Variants in TNIK observed in about 807,000 individuals in gnomAD.
TNIK encodes TRAF2 and NCK-interacting protein kinase.
A neutral mutation model predicts 191.3 loss-of-function variants in TNIK; 49 were observed. The ratio of observed to expected loss-of-function variants is 0.26; its 90% CI spans 0.20 to 0.32. The LOEUF (loss-of-function observed/expected upper bound fraction) is 0.32, where lower values mean the gene tolerates loss of function less well. Ranked by LOEUF, TNIK falls within the 10% of genes least tolerant of loss-of-function variation. The probability of loss-of-function intolerance (pLI) is 1.00; values close to 1 mark genes in which losing one functional copy is unlikely to be tolerated. For synonymous variants in TNIK, 594 were observed against 600.9 expected (o/e 0.99, Z 0.17); for missense variants, 1,155 against 1,702.3 (o/e 0.68, Z 5.66).
intron 4 of TNIK, among the ~76,000 whole-genome samples, chr3:171,210,845 A>G (rs922585014): frequency 3.8e-5 from 4 of 105,818 alleles, no homozygotes; most frequent in African/African-American, 1.5e-4. Flanking sequence ...AAGGTTGTCA[A>G]TTAGTGAAAA....
chr3:171,436,275 G>T (rs7646365), intron 1 of TNIK, among the ~76,000 whole-genome samples: 3 of 151,002 alleles, frequency 2.0e-5, no homozygotes, highest in Non-Finnish European at 3.0e-5. Context: ...CTAATACCTT[G>T]TAAACCTACA....
intron 11 of TNIK, among the ~76,000 whole-genome samples, chr3:171,160,998 T>C (rs1285235958): frequency 6.6e-6 from 1 of 152,188 alleles, no homozygotes; most frequent in African/African-American, 2.4e-5. Context: ...TTCTACCCAT[T>C]CTACGTGTTA....
chr3:171,264,376 C>A (rs578211068), intron 2 of TNIK, among the ~76,000 whole-genome samples: 1 of 151,798 alleles, frequency 6.6e-6, no homozygotes, highest in East Asian at 1.9e-4. Context: ...TATTTTCAGA[C>A]GGAGTTTTGG....
At chr3:171,412,038 G>A (rs1722490952) in intron 1 of TNIK, among the ~76,000 whole-genome samples, 1 of 152,164 alleles carries the variant, frequency 6.6e-6, no homozygotes, top group South Asian at 2.1e-4. Flanking sequence ...AGCCTGCTGA[G>A]GGGCTTCTTG....
chr3:171,211,031 A>AGT (rs1740751433), intron 4 of TNIK, 85 bp downstream of exon 4: 1 of 1,546,266 alleles, frequency 6.5e-7, no homozygotes, highest in South Asian at 1.2e-5. Context: ...AGTTAATCAA[A>AGT]TTTTGTCATG....
chr3:171,071,175 C>T (rs186612788), intron 29 of TNIK, 48 bp downstream of exon 29: 83 of 1,475,436 alleles, frequency 5.6e-5, no homozygotes, highest in East Asian at 5.3e-4. Flanking sequence ...TGGGTAGAAA[C>T]GGAAAATTTT....
intron 2 of TNIK, among the ~76,000 whole-genome samples, chr3:171,353,839 C>G (rs546680027): frequency 2.0e-5 from 3 of 152,232 alleles, no homozygotes; most frequent in Admixed American, 6.5e-5. Context: ...CTTATTTTTT[C>G]TTCTCTTAGT....
At chr3:171,442,645 C>T (rs721912) in intron 1 of TNIK, among the ~76,000 whole-genome samples, 51,273 of 151,910 alleles carry the variant, frequency 0.34, 12,182 homozygotes, top group African/African-American at 0.68. Context: ...TTTTTGTTTC[C>T]AGTGATGAGG....
intron 2 of TNIK, among the ~76,000 whole-genome samples, chr3:171,261,951 C>T (rs957624337): frequency 5.3e-5 from 8 of 152,112 alleles, no homozygotes; most frequent in Non-Finnish European, 8.8e-5. Context: ...GATAACAAGA[C>T]GCCAGGTTTT....
At chr3:171,355,517 T>C (rs1713908374) in intron 2 of TNIK, among the ~76,000 whole-genome samples, 1 of 152,174 alleles carries the variant, frequency 6.6e-6, no homozygotes, top group Non-Finnish European at 1.5e-5. Context: ...TGCAACTCTT[T>C]TGAAGAGAAT....
Position 171,075,552 on chromosome 3 carries a change from C to T in TNIK, c.3448+3966G>A, listed in dbSNP as rs985414320. The stretch of plus-strand genomic sequence containing the variant: ...CCAGCCTGCTATAGAAAAACATTCC[C>T]GCATGTGGTCTGGTTTATGAATAAA... On this transcript the variant is annotated intron_variant, in intron 28 of 32. Transcript: ENST00000436636. Among the ~76,000 whole-genome samples the T allele has an allele frequency of 4.6e-5, 7 of 152,208 alleles. No homozygotes were observed. In the South Asian group the frequency reaches 8.3e-4, roughly 18 times the overall value.
chr3:171,146,488 G>A (rs1311903093), intron 12 of TNIK, among the ~76,000 whole-genome samples: 1 of 152,144 alleles, frequency 6.6e-6, no homozygotes, highest in Non-Finnish European at 1.5e-5. Context: ...AGAGGGGTAG[G>A]CAAGAGAGGC....
intron 3 of TNIK, among the ~76,000 whole-genome samples, chr3:171,213,331 C>G (rs536495041): frequency 6.6e-6 from 1 of 152,234 alleles, no homozygotes; most frequent in African/African-American, 2.4e-5. Context: ...TTTCTGTGGG[C>G]AGCACAGCAT....
intron 19 of TNIK, 71 bp downstream of exon 19, chr3:171,110,643 C>T (rs186823137): frequency 1.3e-6 from 2 of 1,489,038 alleles, no homozygotes; most frequent in East Asian, 2.5e-5. Context: ...CAGGAAGTAA[C>T]TAACCTTTTT....
chr3:171,405,239 A>AC lies in TNIK; in HGVS notation c.58-35555dup, dbSNP rs902888569. Among the ~76,000 whole-genome samples, 6 of 152,104 alleles carry AC rather than the reference A, an allele frequency of 3.9e-5. No homozygotes were observed. In the South Asian group the frequency reaches 6.2e-4, roughly 16 times the overall value. On this transcript the variant is annotated intron_variant, in intron 1 of 32. Coordinates refer to ENST00000436636, the MANE Select transcript of TNIK (RefSeq NM_015028.4). Reference sequence around the variant, plus strand: ...CCCAGTAGATTTAACTAAGAAATAAACCCCCCAGAAAAACTGGCAGGTGGA... The same window carrying AC: ...CCCAGTAGATTTAACTAAGAAATAAACCCCCCCAGAAAAACTGGCAGGTGGA...
intron 27 of TNIK, among the ~76,000 whole-genome samples, chr3:171,080,446 T>TATTTA (rs201834247): frequency 1.6e-5 from 2 of 123,506 alleles, no homozygotes; most frequent in African/African-American, 6.6e-5. Flanking sequence ...TTTATTTATT[T>TATTTA]TTTTTTGAGA....
chr3:171,304,986 T>C (rs1753273719), intron 2 of TNIK, among the ~76,000 whole-genome samples: 2 of 141,448 alleles, frequency 1.4e-5, no homozygotes, highest in South Asian at 2.2e-4. Flanking sequence ...TGTGTACATG[T>C]ACCCTAAAAC....
intron 1 of TNIK, among the ~76,000 whole-genome samples, chr3:171,440,476 C>T (rs151245316): frequency 1.9e-3 from 285 of 152,168 alleles, no homozygotes; most frequent in African/African-American, 6.3e-3. Context: ...TTTGTGGGAA[C>T]AAAAGAGCTG....
chr3:171,192,565 G>A (rs911200279), intron 5 of TNIK, among the ~76,000 whole-genome samples: 6 of 152,236 alleles, frequency 3.9e-5, no homozygotes, highest in Admixed American at 3.3e-4. Flanking sequence ...CTCATGTGAT[G>A]AAACATCCCT....
Sources: gnomAD v4.1 joint callset for allele counts (sites outside exome capture counted in the v4.1 genomes callset) on GRCh38, gnomAD v4.1.1 for gene constraint, MANE v1.5 for transcripts, NCBI Gene and HGNC (gene_info 2026-07-23, HGNC 2026-07-21) for gene names.